Variants in C10orf90 observed in about 807,000 individuals in gnomAD.
The protein encoded by C10orf90 is chromosome 10 open reading frame 90, also known as (E2-independent) E3 ubiquitin-conjugating enzyme FATS.
Under a neutral mutation model 62.5 loss-of-function variants are expected in C10orf90, and 56 were observed. The observed-to-expected ratio is 0.90, with a 90% CI of 0.72 to 1.12. The LOEUF is 1.12. Ranked by LOEUF, C10orf90 falls within the 50% of genes most tolerant of loss-of-function variation. The pLI, the probability that C10orf90 is intolerant of heterozygous loss-of-function variation, is 0.00. For synonymous variants in C10orf90, 386 were observed against 340.4 expected (o/e 1.13, Z -1.47); for missense variants, 970 against 880.4 (o/e 1.10, Z -1.29).
chr10:126,542,898 C>T (rs895990552), intron 2 of C10orf90, among the ~76,000 whole-genome samples: 1 of 152,108 alleles, frequency 6.6e-6, no homozygotes, highest in African/African-American at 2.4e-5. Context: ...GCCACATGTG[C>T]CTCAAGATAT....
chr10:126,489,947 C>A (rs1861628626), intron 4 of C10orf90, among the ~76,000 whole-genome samples: 1 of 130,934 alleles, frequency 7.6e-6, no homozygotes. Flanking sequence ...GAATATATGC[C>A]ACATATCTGT....
chr10:126,576,163 G>T (rs760873747), intron 2 of C10orf90, among the ~76,000 whole-genome samples: 1 of 152,058 alleles, frequency 6.6e-6, no homozygotes, highest in Non-Finnish European at 1.5e-5. Flanking sequence ...GAAAATACTT[G>T]CAAACTATTC....
chr10:126,654,467 T>C (rs925861672), intron 1 of C10orf90, among the ~76,000 whole-genome samples: 2 of 152,218 alleles, frequency 1.3e-5, no homozygotes, highest in African/African-American at 4.8e-5. Flanking sequence ...CTTCCTCACC[T>C]CTCTCAGGCT....
chr10:126,458,367 G>A (rs1273764397), intron 7 of C10orf90, among the ~76,000 whole-genome samples: 1 of 152,158 alleles, frequency 6.6e-6, no homozygotes, highest in African/African-American at 2.4e-5. Context: ...GGGTTGGCAG[G>A]CACTAAGTAT....
At chr10:126,521,712 A>AT (rs956437840) in intron 2 of C10orf90, among the ~76,000 whole-genome samples, 6 of 152,186 alleles carry the variant, frequency 3.9e-5, no homozygotes, top group Non-Finnish European at 7.3e-5. Context: ...CTTGTTACCA[A>AT]TTTTTTTACA....
intron 2 of C10orf90, among the ~76,000 whole-genome samples, chr10:126,517,156 G>A (rs1173353928): frequency 2.6e-5 from 4 of 152,182 alleles, no homozygotes; most frequent in African/African-American, 9.7e-5. Flanking sequence ...GGAGATGGAG[G>A]TAGATGTGTT....
At chr10:126,556,165 G>A (rs899940491) in intron 2 of C10orf90, among the ~76,000 whole-genome samples, 3 of 152,208 alleles carry the variant, frequency 2.0e-5, no homozygotes, top group East Asian at 1.9e-4. Context: ...CAAAATGGCC[G>A]GGGTTGAGTG....
intron 2 of C10orf90, among the ~76,000 whole-genome samples, chr10:126,630,332 C>T (rs2133828612): frequency 6.6e-6 from 1 of 152,124 alleles, no homozygotes; most frequent in East Asian, 1.9e-4. Context: ...CAGCATGGCA[C>T]CAGTGTAGTC....
chr10:126,577,248 T>A (rs991689254), intron 2 of C10orf90, among the ~76,000 whole-genome samples: 6 of 152,000 alleles, frequency 3.9e-5, no homozygotes, highest in Non-Finnish European at 5.9e-5. Flanking sequence ...CATTACTATG[T>A]ACCCCATGAA....
intron 1 of C10orf90, among the ~76,000 whole-genome samples, chr10:126,651,931 G>A (rs1846299295): frequency 6.6e-6 from 1 of 152,190 alleles, no homozygotes; most frequent in Non-Finnish European, 1.5e-5. Flanking sequence ...CCACCAGAAG[G>A]CAGACAGCAC....
chr10:126,490,403 G>A lies in C10orf90; in HGVS notation c.1534+13554C>T, dbSNP rs373128389. ...GTTTAATGGGGAGTTAGTGTCTAATGGGAAGTTAGTGTTTAATGGGGAGTT... is the reference window on the plus strand; with the variant it reads ...GTTTAATGGGGAGTTAGTGTCTAATAGGAAGTTAGTGTTTAATGGGGAGTT... On this transcript the variant is annotated intron_variant, in intron 4 of 9. Coordinates refer to ENST00000488181, the MANE Select transcript of C10orf90 (RefSeq NM_001350921.2). Among the ~76,000 whole-genome samples, 17 of 151,528 alleles carry A rather than the reference G, an allele frequency of 1.1e-4. No homozygotes were observed. The East Asian group carries it at 1.7e-3, about 16-fold the overall frequency.
At position 126,569,854 on chromosome 10, in the gene C10orf90, C is replaced by T. The variant is rs145247734; in HGVS notation, c.314-55915G>A. 8.9e-3 allele frequency among the ~76,000 whole-genome samples: 1,351 copies of T among 152,228 alleles called. 12 individuals are homozygous for T. Among genetic ancestry groups the T allele is most frequent in the African/African-American group, 0.028 (1,154 of 41,538 alleles). On this transcript the variant is annotated intron_variant, in intron 2 of 9. Transcript: ENST00000488181. ...ACAAAGTTTACAAGGGACCCCAAAA[C>T]TCCTAAAGTGTTTCTGAACTGTGGA... is the stretch of plus-strand genomic sequence containing the variant.
intron 4 of C10orf90, among the ~76,000 whole-genome samples, chr10:126,471,101 G>T (rs1317551146): frequency 6.6e-6 from 1 of 152,220 alleles, no homozygotes; most frequent in Non-Finnish European, 1.5e-5. Context: ...GGGATAAACA[G>T]CTCCCGGCAG....
chr10:126,574,053 A>T (rs1456856154), intron 2 of C10orf90, among the ~76,000 whole-genome samples: 1 of 152,222 alleles, frequency 6.6e-6, no homozygotes, highest in Non-Finnish European at 1.5e-5. Flanking sequence ...AAATATTTAA[A>T]CATTAAGAAG....
intron 2 of C10orf90, among the ~76,000 whole-genome samples, chr10:126,545,859 T>G (rs1016301522): frequency 1.2e-4 from 18 of 152,292 alleles, no homozygotes; most frequent in Middle Eastern, 3.4e-3. Flanking sequence ...TATTTCTTAT[T>G]TCTTCAACTA....
chr10:126,454,534 TTACCCCTACTACCTACAGGAGCTG>T (rs1317092713), intron 7 of C10orf90, among the ~76,000 whole-genome samples: 1 of 151,114 alleles, frequency 6.6e-6, no homozygotes, highest in Non-Finnish European at 1.5e-5. Flanking sequence ...AAGCTATGGT[TTACCCCTACTACCTACAGGAGCTG>T]TACCCCTACT....
chr10:126,618,190 T>C (rs1446657703), intron 2 of C10orf90, among the ~76,000 whole-genome samples: 5 of 152,204 alleles, frequency 3.3e-5, no homozygotes, highest in South Asian at 4.1e-4. Context: ...CCATTATTTT[T>C]TGGACCTAAG....
At chr10:126,477,099 TTTTTTTTTTTTTTTTTTTTGG>T (rs1860924989) in intron 4 of C10orf90, among the ~76,000 whole-genome samples, 1 of 112,378 alleles carries the variant, frequency 8.9e-6, no homozygotes, top group African/African-American at 3.3e-5. Context: ...TTTTTTTTTT[TTTTTTTTTTTTTTTTTTTTGG>T]ATTTTTGGAG....
At chr10:126,666,067 A>C (rs953644293) in intron 1 of C10orf90, among the ~76,000 whole-genome samples, 3 of 152,202 alleles carry the variant, frequency 2.0e-5, no homozygotes, top group Non-Finnish European at 4.4e-5. Context: ...TAACACTGGG[A>C]CTAAATTAGC....
Sources: gnomAD v4.1 joint callset for allele counts (sites outside exome capture counted in the v4.1 genomes callset) on GRCh38, gnomAD v4.1.1 for gene constraint, MANE v1.5 for transcripts, NCBI Gene and HGNC (gene_info 2026-07-23, HGNC 2026-07-21) for gene names.